The following NEK4 variants were observed in gnomAD, a reference collection of about 807,000 sequenced individuals.
NEK4 encodes NIMA related kinase 4.
A neutral mutation model predicts 98.4 loss-of-function variants in NEK4; 86 were observed. The observed-to-expected ratio is 0.87, with a 90% CI of 0.73 to 1.05. The LOEUF is 1.05. Among genes scored for constraint, NEK4 ranks in the 50% least tolerant of loss-of-function variants. NEK4 has a pLI of 0.00. For synonymous variants in NEK4, 328 were observed against 342.2 expected, an observed-to-expected ratio of 0.96 and a Z score of 0.46; for missense variants, 898 against 950.3, an observed-to-expected ratio of 0.94 and a Z score of 0.72.
intron 2 of NEK4, among the ~76,000 whole-genome samples, chr3:52,766,943 G>A (rs1024995888): frequency 6.6e-5 from 10 of 151,716 alleles, no homozygotes; most frequent in South Asian, 2.1e-4. Context: ...CCAAGATTGC[G>A]CCACTGCAGT....
At chr3:52,739,273 C>A (rs1300808502) in intron 14 of NEK4, among the ~76,000 whole-genome samples, 156 bp downstream of exon 14, 1 of 152,210 alleles carries the variant, frequency 6.6e-6, no homozygotes, top group African/African-American at 2.4e-5. Context: ...GTGGTGCATG[C>A]CTGTAGTCCC....
chr3:52,745,044 T>C (rs1242878908), intron 10 of NEK4, among the ~76,000 whole-genome samples: 1 of 151,962 alleles, frequency 6.6e-6, no homozygotes, highest in Non-Finnish European at 1.5e-5. Context: ...GCCTCTCGAA[T>C]AGCTGGGACT....
intron 8 of NEK4, among the ~76,000 whole-genome samples, chr3:52,749,418 C>T (rs919932149): frequency 1.3e-5 from 2 of 150,796 alleles, no homozygotes; most frequent in African/African-American, 4.9e-5. Flanking sequence ...CAGGCGTGAG[C>T]CACCATTCCT....
intron 15 of NEK4, among the ~76,000 whole-genome samples, chr3:52,716,189 T>G (rs961006961): frequency 6.6e-6 from 1 of 152,008 alleles, no homozygotes; most frequent in Admixed American, 6.6e-5. Flanking sequence ...GGGATACAGG[T>G]TGGTAATATA....
Position 52,709,123 on chromosome 3 carries a change from G to T in NEK4, c.*2654C>A, listed in dbSNP as rs1190939796. 1.3e-5 allele frequency: 2 copies of T among 151,172 alleles called. No homozygotes were observed. Among genetic ancestry groups the T allele is most frequent in the Non-Finnish European group, 2.9e-5 (2 of 67,988 alleles). The allele number at this position is 151,172 out of a possible 1,614,324, so 9.4% of individuals were successfully genotyped here. On this transcript the variant is annotated 3_prime_UTR_variant, in exon 16 of 16. Transcript: ENST00000233027. ...AACTTGAACCCAGGAGGCGTAGGCT[G>T]CAGTGAGCCAAGATCGCACCACTGT...
Position 52,739,653 on chromosome 3 carries a change from C to T in NEK4, c.2094-19G>A, listed in dbSNP as rs775616384. The T allele has an allele frequency of 2.3e-5, 36 of 1,589,084 alleles. No homozygotes were observed. Among genetic ancestry groups the T allele is most frequent in the Admixed American group, 8.5e-5 (5 of 58,550 alleles). On this transcript the variant is annotated intron_variant, in intron 13 of 15. Transcript: ENST00000233027. Reference sequence around the variant, plus strand: ...ACCTTTCCTGGGGGAAAAAAATATCCCTTTGTTATTTAATTGGCTTCATGA... The same window carrying T: ...ACCTTTCCTGGGGGAAAAAAATATCTCTTTGTTATTTAATTGGCTTCATGA...
intron 6 of NEK4, among the ~76,000 whole-genome samples, chr3:52,752,933 T>TATATACACACACACACAC (rs148965312): frequency 1.6e-4 from 12 of 75,572 alleles, no homozygotes; most frequent in Middle Eastern, 7.0e-3. Flanking sequence ...TATATATATA[T>TATATACACACACACACAC]ACACACACAC....
intron 15 of NEK4, among the ~76,000 whole-genome samples, chr3:52,734,452 C>CAAAAAAAAAAA (rs76013023): frequency 9.9e-6 from 1 of 100,610 alleles, no homozygotes; most frequent in Non-Finnish European, 2.0e-5. Flanking sequence ...GACTCCAACT[C>CAAAAAAAAAAA]AAAAAAAAAA....
chr3:52,766,421 A>G (rs1313943123), intron 2 of NEK4, 46 bp from the exon 3 acceptor site: 1 of 1,377,956 alleles, frequency 7.3e-7, no homozygotes, highest in African/African-American at 1.4e-5. Flanking sequence ...AGACTTAATT[A>G]TGTATTTATT....
intron 7 of NEK4, among the ~76,000 whole-genome samples, chr3:52,750,785 A>T (rs1279940820): frequency 1.5e-5 from 1 of 68,296 alleles, no homozygotes. Flanking sequence ...AAATAGAAAT[A>T]AAAAAATTAG....
chr3:52,733,357 G>A (rs1578640343), intron 15 of NEK4: 3 of 362,682 alleles, frequency 8.3e-6, no homozygotes, highest in East Asian at 1.4e-4. Context: ...CTGGAGAGAG[G>A]CCTCGCAAAT....
chr3:52,752,955 A>ACACACACACACACACAC (rs1559441493), intron 6 of NEK4, among the ~76,000 whole-genome samples: 19 of 126,024 alleles, frequency 1.5e-4, no homozygotes, highest in African/African-American at 5.8e-4. Context: ...CACACACACA[A>ACACACACACACACACAC]TGGAATATTT....
chr3:52,715,096 A>G (rs1035780564), intron 15 of NEK4, among the ~76,000 whole-genome samples: 6 of 152,198 alleles, frequency 3.9e-5, no homozygotes, highest in Non-Finnish European at 7.4e-5. Flanking sequence ...CCTTCCGGCC[A>G]GGGAGGGAGC....
chr3:52,718,499 C>T (rs981266966), intron 15 of NEK4, among the ~76,000 whole-genome samples: 5 of 146,648 alleles, frequency 3.4e-5, no homozygotes, highest in Non-Finnish European at 6.0e-5. Context: ...AAAAGAAATA[C>T]AATTATAGCC....
chr3:52,714,753 G>T (rs567162585), intron 15 of NEK4, among the ~76,000 whole-genome samples: 1 of 152,328 alleles, frequency 6.6e-6, no homozygotes, highest in Non-Finnish European at 1.5e-5. Context: ...AACTGCCCCC[G>T]CAGGCTCGGG....
chr3:52,714,965 G>A (rs1281032948), intron 15 of NEK4, among the ~76,000 whole-genome samples: 2 of 152,234 alleles, frequency 1.3e-5, no homozygotes, highest in Admixed American at 1.3e-4. Context: ...GTAAGCTGAG[G>A]GGGAGTGGAG....
At chr3:52,731,052 A>G (rs2097369158) in intron 15 of NEK4, among the ~76,000 whole-genome samples, 1 of 152,222 alleles carries the variant, frequency 6.6e-6, no homozygotes. Context: ...TCTCCATTTT[A>G]TTACAATTTA....
intron 12 of NEK4, among the ~76,000 whole-genome samples, chr3:52,742,868 T>C (rs534751118): frequency 6.6e-6 from 1 of 152,318 alleles, no homozygotes; most frequent in East Asian, 1.9e-4. Context: ...CAACTCACTG[T>C]AGCCTCAACC....
At chr3:52,733,459 G>A in intron 15 of NEK4, 2 of 416,150 alleles carry the variant, frequency 4.8e-6, no homozygotes, top group Non-Finnish European at 9.4e-6. Context: ...AATGTAATGA[G>A]TGTACAAGAA....
Sources: gnomAD v4.1 joint callset for allele counts (sites outside exome capture counted in the v4.1 genomes callset) on GRCh38, gnomAD v4.1.1 for gene constraint, MANE v1.5 for transcripts, NCBI Gene and HGNC (gene_info 2026-07-23, HGNC 2026-07-21) for gene names.